Variants in CHST9 observed in about 807,000 individuals in gnomAD.
CHST9 encodes GalNAc-4-sulfotransferase 2.
A neutral mutation model predicts 44.4 loss-of-function variants in CHST9; 41 were observed. The ratio of observed to expected loss-of-function variants is 0.92; its 90% CI spans 0.72 to 1.20. CHST9 has a LOEUF of 1.20. Among genes scored for constraint, CHST9 ranks in the 50% most tolerant of loss-of-function variants. CHST9 has a pLI of 0.00. For missense variants in CHST9, 504 were observed against 516.5 expected, an observed-to-expected ratio of 0.98 and a Z score of 0.23; for synonymous variants, 171 against 178.4, an observed-to-expected ratio of 0.96 and a Z score of 0.33.
intron 1 of CHST9, among the ~76,000 whole-genome samples, chr18:27,183,881 G>A (rs2058933430): frequency 1.3e-5 from 2 of 152,066 alleles, no homozygotes; most frequent in Admixed American, 6.5e-5. Flanking sequence ...ATTAGGTACT[G>A]GAATTAACAG....
intron 4 of CHST9, among the ~76,000 whole-genome samples, chr18:26,971,221 A>G (rs2056538624): frequency 6.7e-6 from 1 of 148,570 alleles, no homozygotes; most frequent in African/African-American, 2.5e-5. Context: ...GTAGGTACTT[A>G]ATGTTGATTG....
At chr18:27,007,456 G>A (rs544020589) in intron 4 of CHST9, among the ~76,000 whole-genome samples, 1 of 152,326 alleles carries the variant, frequency 6.6e-6, no homozygotes, top group South Asian at 2.1e-4. Flanking sequence ...CAATAGGCAG[G>A]TGGTTACGTG....
chr18:27,142,705 A>T lies in CHST9; in HGVS notation c.105T>A (p.Ile35=). ...ATGTGTTACCTGTATGTTGTTCTTC[A>T]ATCCAGACTTGCAAATACATGAAGA... is the stretch of plus-strand genomic sequence containing the variant. The part of the protein sequence containing the change: ...LLLFMYLQVW[I]EEQHTGRVEK... The change falls in exon 2 of 6, where the codon ATT becomes ATA. Residue 35 remains isoleucine (I), a synonymous_variant. Coordinates refer to ENST00000618847, the MANE Select transcript of CHST9 (RefSeq NM_031422.6). 1 of 1,606,658 alleles carries T rather than the reference A, an allele frequency of 6.2e-7. No individual in the cohort carries two copies. Among genetic ancestry groups the T allele is most frequent in the East Asian group, 2.2e-5 (1 of 44,742 alleles).
At chr18:27,053,263 AGAAGGAGAAGGAGAAGG>A (rs1568151202) in intron 2 of CHST9, among the ~76,000 whole-genome samples, 275 of 69,236 alleles carry the variant, frequency 4.0e-3, no homozygotes, top group Non-Finnish European at 6.1e-3. Flanking sequence ...AAGAAGAAGG[AGAAGGAGAAGGAGAAGG>A]AGAAGGAGAA....
intron 2 of CHST9, among the ~76,000 whole-genome samples, chr18:27,050,627 A>C (rs2057555104): frequency 6.6e-6 from 1 of 152,172 alleles, no homozygotes; most frequent in Non-Finnish European, 1.5e-5. Flanking sequence ...TGTTATATTC[A>C]TTTGGGTGAT....
chr18:26,944,378 A>G lies in CHST9; in HGVS notation c.203-12T>C. The G allele has an allele frequency of 6.3e-7, 1 of 1,594,800 alleles. No homozygotes were observed. Among genetic ancestry groups the G allele is most frequent in the Non-Finnish European group, 8.6e-7 (1 of 1,163,500 alleles). Reference sequence around the variant, plus strand: ...TTTTTCTGTACTCACTGAAAGAGAAAGCAAAAAGAATTTTTACATTAAAGC... The same window carrying G: ...TTTTTCTGTACTCACTGAAAGAGAAGGCAAAAAGAATTTTTACATTAAAGC... On this transcript the variant is annotated splice_polypyrimidine_tract_variant and intron_variant, in intron 4 of 5. Transcript: ENST00000618847.
At position 27,025,325 on chromosome 18, in the gene CHST9, T is replaced by C. The variant is rs549001719; in HGVS notation, c.161-1168A>G. On this transcript the variant is annotated intron_variant, in intron 3 of 5. Coordinates refer to ENST00000618847, the MANE Select transcript of CHST9 (RefSeq NM_031422.6). ...CTAAAGGATGGTGTGGCTTAAGCAA[T>C]GGTAGGATTAATTGTCTGTCCTGCT... 2.6e-5 allele frequency among the ~76,000 whole-genome samples: 4 copies of C among 151,924 alleles called. No homozygotes were observed. In the South Asian group the frequency reaches 8.3e-4, roughly 32 times the overall value.
In CHST9 at chr18:27,006,551, T is replaced by G. The variant is rs77594612; in HGVS notation, c.202+17565A>C. 7.7e-3 allele frequency among the ~76,000 whole-genome samples: 1,176 copies of G among 152,290 alleles called. 10 individuals are homozygous for G. Among genetic ancestry groups the G allele is most frequent in the African/African-American group, 0.027 (1,140 of 41,564 alleles). ...GTGTGGTTGAGATGTCAGAGATCAT[T>G]AGTTGTTTATCCTCATAGTGTCCTA... On this transcript the variant is annotated intron_variant, in intron 4 of 5. Coordinates refer to ENST00000618847, the MANE Select transcript of CHST9 (RefSeq NM_031422.6).
chr18:26,990,060 C>T (rs1053168706), intron 4 of CHST9, among the ~76,000 whole-genome samples: 1 of 151,948 alleles, frequency 6.6e-6, no homozygotes, highest in Non-Finnish European at 1.5e-5. Flanking sequence ...AACTACTCAG[C>T]CACAAAAAAA....
At chr18:27,174,337 C>T (rs948802698) in intron 1 of CHST9, among the ~76,000 whole-genome samples, 2 of 151,772 alleles carry the variant, frequency 1.3e-5, no homozygotes, top group African/African-American at 4.8e-5. Context: ...TTTAGATTTG[C>T]CTGATCGTTT....
intron 2 of CHST9, among the ~76,000 whole-genome samples, chr18:27,091,197 C>T (rs2058065347): frequency 6.6e-6 from 1 of 152,150 alleles, no homozygotes; most frequent in Non-Finnish European, 1.5e-5. Context: ...ATTTTATTCT[C>T]TTTGTAGCAC....
intron 1 of CHST9, among the ~76,000 whole-genome samples, chr18:27,170,504 T>C (rs1598777215): frequency 6.6e-6 from 1 of 152,204 alleles, no homozygotes; most frequent in Non-Finnish European, 1.5e-5. Flanking sequence ...GTAGGACACT[T>C]CAAAGATACT....
chr18:27,130,551 G>A (rs1047240675), intron 2 of CHST9, among the ~76,000 whole-genome samples: 1 of 152,196 alleles, frequency 6.6e-6, no homozygotes, highest in African/African-American at 2.4e-5. Context: ...ATACGATATG[G>A]AAGCATAGAA....
intron 1 of CHST9, among the ~76,000 whole-genome samples, chr18:27,158,160 T>C (rs1485145891): frequency 1.3e-5 from 2 of 152,198 alleles, no homozygotes; most frequent in Non-Finnish European, 2.9e-5. Flanking sequence ...ACGTGCAGGT[T>C]AGTTACATAT....
intron 2 of CHST9, among the ~76,000 whole-genome samples, chr18:27,121,316 C>T (rs9949945): frequency 0.011 from 1,604 of 152,250 alleles, 23 homozygotes; most frequent in African/African-American, 0.033. Context: ...CAGCTACTGT[C>T]ATAAAACCTG....
At chr18:26,985,613 G>T (rs2056745665) in intron 4 of CHST9, among the ~76,000 whole-genome samples, 1 of 152,180 alleles carries the variant, frequency 6.6e-6, no homozygotes, top group African/African-American at 2.4e-5. Flanking sequence ...TCAAGACAAA[G>T]AACCAGAAAG....
chr18:27,105,403 C>T (rs1324772135), intron 2 of CHST9, among the ~76,000 whole-genome samples: 3 of 152,062 alleles, frequency 2.0e-5, no homozygotes, highest in Non-Finnish European at 2.9e-5. Flanking sequence ...TCTGAGGACT[C>T]ATTGTGATTT....
At chr18:27,106,747 A>G (rs2058224518) in intron 2 of CHST9, among the ~76,000 whole-genome samples, 1 of 152,150 alleles carries the variant, frequency 6.6e-6, no homozygotes, top group South Asian at 2.1e-4. Context: ...AAATCATATA[A>G]TTTTCTTTCT....
At chr18:27,128,427 G>A (rs1270389499) in intron 2 of CHST9, among the ~76,000 whole-genome samples, 4 of 152,112 alleles carry the variant, frequency 2.6e-5, no homozygotes, top group Middle Eastern at 3.4e-3. Flanking sequence ...GTGCCATGAC[G>A]CCCGGCTAAT....
Sources: gnomAD v4.1 joint callset for allele counts (sites outside exome capture counted in the v4.1 genomes callset) on GRCh38, gnomAD v4.1.1 for gene constraint, MANE v1.5 for transcripts, NCBI Gene and HGNC (gene_info 2026-07-23, HGNC 2026-07-21) for gene names.